The following SRP68 variants were observed in gnomAD, a reference collection of about 807,000 sequenced individuals.
SRP68 encodes signal recognition particle 68.
SRP68 carries 15 observed loss-of-function variants against 82.2 expected under a neutral mutation model. The ratio of observed to expected loss-of-function variants is 0.18; its 90% CI spans 0.12 to 0.28. The LOEUF is 0.28. SRP68 is among the 10% of genes least tolerant of loss of function. The pLI is 1.00. For missense variants in SRP68, 595 were observed against 780.5 expected (o/e 0.76, Z 2.83); for synonymous variants, 261 against 292.6 (o/e 0.89, Z 1.10).
At chr17:76,066,953 C>T (rs1473074907) in intron 3 of SRP68, among the ~76,000 whole-genome samples, 1 of 152,054 alleles carries the variant, frequency 6.6e-6, no homozygotes, top group Non-Finnish European at 1.5e-5. Context: ...GTCTTGAACT[C>T]CTGACCTCAG....
chr17:76,057,595 G>A, intron 7 of SRP68, 52 bp from the exon 8 acceptor site: 2 of 1,593,560 alleles, frequency 1.3e-6, no homozygotes, highest in South Asian at 1.1e-5. Context: ...ATGAGTGATG[G>A]AGGTGAAAAT....
chr17:76,055,382 A>T (rs1567931353), intron 8 of SRP68, among the ~76,000 whole-genome samples: 1 of 152,106 alleles, frequency 6.6e-6, no homozygotes, highest in Non-Finnish European at 1.5e-5. Context: ...TGCACCTGTC[A>T]CCCAAGCAGT....
intron 7 of SRP68, among the ~76,000 whole-genome samples, chr17:76,059,026 G>C (rs1419002900): frequency 6.6e-6 from 1 of 152,160 alleles, no homozygotes; most frequent in Non-Finnish European, 1.5e-5. Context: ...GATTGCTTGA[G>C]CGCAGGAGTT....
chr17:76,039,581 C>A lies in SRP68; in HGVS notation c.*125G>T. The A allele has an allele frequency of 1.1e-6, 1 of 898,220 alleles. No homozygotes were observed. Among genetic ancestry groups the A allele is most frequent in the South Asian group, 1.6e-5 (1 of 60,700 alleles). 55.6% of individuals were successfully genotyped at this position (898,220 alleles called of 1,614,324 possible). Reference sequence around the variant, plus strand: ...GACACAAGATGTAGGAATGCAGGGCCGAAGATGTTAAACTCTTGCCCCGGG... The same window carrying A: ...GACACAAGATGTAGGAATGCAGGGCAGAAGATGTTAAACTCTTGCCCCGGG... On this transcript the variant is annotated 3_prime_UTR_variant, in exon 16 of 16. Transcript: ENST00000307877.
intron 4 of SRP68, 139 bp downstream of exon 4, chr17:76,063,837 C>T (rs2066787482): frequency 1.6e-6 from 1 of 642,682 alleles, no homozygotes; most frequent in Non-Finnish European, 2.5e-6. Context: ...AACTTCTCCT[C>T]TTAAAAGCAA....
chr17:76,062,569 TATA>T (rs2066763815), intron 4 of SRP68, among the ~76,000 whole-genome samples: 1 of 97,180 alleles, frequency 1.0e-5, no homozygotes, highest in Non-Finnish European at 1.8e-5. Flanking sequence ...TTATATATTA[TATA>T]ATATACATTA....
chr17:76,070,415 G>C lies in SRP68; in HGVS notation c.214C>G (p.Gln72Glu). The C allele has an allele frequency of 6.2e-7, 1 of 1,614,052 alleles. No individual in the cohort carries two copies. The highest frequency in any genetic ancestry group is 2.2e-5 in the East Asian group (1 of 44,884). ...AAATCTCCATGCCGTAAACCATGCT[G>C]CTGCTGGGATTCCTTAATAATCTGA... ...ILQIIKESQQ[Q>E]HGLRHGDFQR... Residue 72 changes from glutamine to glutamate, a missense_variant, in exon 2 of 16, where the codon CAG (glutamine) becomes GAG (glutamate). Gln to Glu is a conservative substitution (Grantham distance 29, BLOSUM62 2). Coordinates refer to ENST00000307877, the MANE Select transcript of SRP68 (RefSeq NM_014230.4).
chr17:76,056,788 C>T (rs1462180558), intron 8 of SRP68, among the ~76,000 whole-genome samples: 1 of 152,118 alleles, frequency 6.6e-6, no homozygotes, highest in Non-Finnish European at 1.5e-5. Flanking sequence ...TAAAGATGTC[C>T]TTTAACTCAT....
chr17:76,043,012 G>C (rs937697359), intron 13 of SRP68, among the ~76,000 whole-genome samples: 2 of 152,256 alleles, frequency 1.3e-5, no homozygotes, highest in South Asian at 4.1e-4. Context: ...GGTTTTGGGA[G>C]GCAGAGGCAG....
intron 1 of SRP68, among the ~76,000 whole-genome samples, chr17:76,070,850 GCACA>G (rs71891783): frequency 0.039 from 5,673 of 146,844 alleles, 206 homozygotes; most frequent in African/African-American, 0.1. Flanking sequence ...ACATGCACAT[GCACA>G]CACACACACA....
chr17:76,047,374 T>C (rs2066639839), intron 10 of SRP68, among the ~76,000 whole-genome samples: 1 of 152,210 alleles, frequency 6.6e-6, no homozygotes, highest in South Asian at 2.1e-4. Flanking sequence ...GGCTGTGTTC[T>C]AGTTAAGCTA....
In SRP68 at chr17:76,063,962, G is replaced by A. The variant is rs928108245; in HGVS notation, c.561+14C>T. On this transcript the variant is annotated intron_variant, in intron 4 of 15. Coordinates refer to ENST00000307877, the MANE Select transcript of SRP68 (RefSeq NM_014230.4). ...AATCTCCACAATAAACAAGCTGAAT[G>A]TTGAGGTACTAACCTGAGCCTCTAA... The A allele has an allele frequency of 6.2e-7, 1 of 1,602,392 alleles. No individual in the cohort carries two copies.
chr17:76,072,441 G>C lies in SRP68; in HGVS notation c.51C>G (p.Gly17=). The C allele has an allele frequency of 2.5e-6, 4 of 1,581,722 alleles. No individual in the cohort carries two copies. The highest frequency in any genetic ancestry group is 3.4e-6 in the Non-Finnish European group (4 of 1,166,332). Residue 17 remains glycine, a synonymous_variant, in exon 1 of 16, where the codon GGC becomes GGG. Coordinates refer to ENST00000307877, the MANE Select transcript of SRP68 (RefSeq NM_014230.4). The surrounding 1 kb of genome is among the most constrained non-coding windows in gnomAD (Gnocchi z 4.5). ...CGCCGCCGCCACTGCCACCGCCGCCGCCACTGCCGCCGCCGCCGCCGCCGC... is the reference window on the plus strand; with the variant it reads ...CGCCGCCGCCACTGCCACCGCCGCCCCCACTGCCGCCGCCGCCGCCGCCGC... ...VPGGGGGGGS[G]GGGGSGGGGS...
intron 2 of SRP68, among the ~76,000 whole-genome samples, chr17:76,070,005 A>G (rs1307116632): frequency 2.0e-5 from 3 of 152,018 alleles, no homozygotes; most frequent in East Asian, 3.9e-4. Context: ...TGAACCCGGG[A>G]GGCATGGGCT....
intron 3 of SRP68, 113 bp from the exon 4 acceptor site, chr17:76,064,284 A>T: frequency 1.2e-6 from 1 of 862,776 alleles, no homozygotes; most frequent in South Asian, 1.7e-5. Context: ...CGCCTTTGCC[A>T]CTCTCAAAAC....
chr17:76,066,944 T>G (rs1212064875), intron 3 of SRP68, among the ~76,000 whole-genome samples: 3 of 152,120 alleles, frequency 2.0e-5, no homozygotes, highest in Non-Finnish European at 4.4e-5. Context: ...GCCAGGCTGG[T>G]CTTGAACTCC....
rs530177419 is a variant in SRP68, at chr17:76,055,945, T to TAC, written c.978+1456_978+1457dup. ...GCCTCAGCCTCCAAGTAGCTGGGAC[T>TAC]ACAGGTGCACGCCACCACGCCCAGC... On this transcript the variant is annotated intron_variant, in intron 8 of 15. Transcript: ENST00000307877. Among the ~76,000 whole-genome samples, 6 of 151,112 alleles carry TAC rather than the reference T, an allele frequency of 4.0e-5. No homozygotes were observed. The South Asian group carries it at 1.3e-3, about 32-fold the overall frequency.
intron 12 of SRP68, chr17:76,045,004 A>C: frequency 4.2e-6 from 1 of 240,662 alleles, no homozygotes; most frequent in Non-Finnish European, 8.0e-6. Flanking sequence ...AGCCTCCCAA[A>C]GTTCTGGGAT....
At chr17:76,061,013 A>G in intron 6 of SRP68, 97 bp downstream of exon 6, 2 of 790,904 alleles carry the variant, frequency 2.5e-6, no homozygotes, top group Non-Finnish European at 4.3e-6. Context: ...AGCGAAGAAG[A>G]AAGTTACATC....
Sources: gnomAD v4.1 joint callset for allele counts (sites outside exome capture counted in the v4.1 genomes callset) on GRCh38, gnomAD v4.1.1 for gene constraint, Gnocchi (gnomAD v3.1) non-coding constraint, MANE v1.5 for transcripts, NCBI Gene and HGNC (gene_info 2026-07-23, HGNC 2026-07-21) for gene names.